Variants in CCDC171 observed in about 807,000 individuals in gnomAD.
The protein encoded by CCDC171 is coiled-coil domain-containing protein 171.
In CCDC171, 177 loss-of-function variants were observed where a neutral mutation model predicts 168.2. That is an observed-to-expected ratio of 1.05 (90% confidence interval 0.93 to 1.19). The LOEUF (loss-of-function observed/expected upper bound fraction) is 1.19, where lower values mean the gene tolerates loss of function less well. Among genes scored for constraint, CCDC171 ranks in the 50% most tolerant of loss-of-function variants. The pLI is 0.00. For missense variants in CCDC171, 1,991 were observed against 1,539.0 expected, an observed-to-expected ratio of 1.29 and a Z score of -4.91; for synonymous variants, 687 against 540.8, an observed-to-expected ratio of 1.27 and a Z score of -3.75.
rs2058773178 is a variant in CCDC171 at position 15,800,547 on chromosome 9, T to C, written c.3267+15853T>C. ...AGATGGACAGTTTGCAAATATTTTT[T>C]CCCATTCAGTGGGTTGTGTCTTCAC... On this transcript the variant is annotated intron_variant, in intron 21 of 25. Transcript: ENST00000380701. 2.6e-5 allele frequency among the ~76,000 whole-genome samples: 4 copies of C among 152,290 alleles called. No individual in the cohort carries two copies. The South Asian group carries it at 8.3e-4, about 32-fold the overall frequency.
chr9:16,054,137 C>G (rs72710757), intron 1 of CCDC171, among the ~76,000 whole-genome samples: 1 of 152,260 alleles, frequency 6.6e-6, no homozygotes, highest in South Asian at 2.1e-4. Flanking sequence ...AGATATGGTC[C>G]TTCTCTGGGG....
At chr9:15,700,975 G>T (rs553403211) in intron 11 of CCDC171, among the ~76,000 whole-genome samples, 1 of 151,630 alleles carries the variant, frequency 6.6e-6, no homozygotes, top group South Asian at 2.1e-4. Context: ...TTTGATTTGC[G>T]TTTCCCTAAT....
At chr9:15,745,782 G>C (rs1476162675) in intron 18 of CCDC171, 151 bp downstream of exon 18, 2 of 434,454 alleles carry the variant, frequency 4.6e-6, no homozygotes, top group Admixed American at 7.6e-5. Flanking sequence ...TGTTAACTCT[G>C]TACTTAATGA....
chr9:15,656,990 C>T (rs912204934), intron 7 of CCDC171, 137 bp from the exon 8 acceptor site: 1 of 450,280 alleles, frequency 2.2e-6, no homozygotes, highest in Non-Finnish European at 4.0e-6. Flanking sequence ...ATTTTACATT[C>T]CATTCTTGCA....
intron 18 of CCDC171, among the ~76,000 whole-genome samples, chr9:15,756,776 A>C (rs1328589115): frequency 6.6e-6 from 1 of 152,206 alleles, no homozygotes; most frequent in Non-Finnish European, 1.5e-5. Flanking sequence ...GAGATAATTT[A>C]ATCATGGGGG....
the CCDC171 span, among the ~76,000 whole-genome samples, chr9:16,088,374 A>C: frequency 6.6e-6 from 1 of 152,240 alleles, no homozygotes; most frequent in Non-Finnish European, 1.5e-5. Flanking sequence ...TGGCCAGGGC[A>C]ATCAGGCAAG....
intron 3 of CCDC171, among the ~76,000 whole-genome samples, chr9:16,003,335 A>G (rs923956664): frequency 6.6e-6 from 1 of 152,230 alleles, no homozygotes; most frequent in Non-Finnish European, 1.5e-5. Flanking sequence ...GACTAAGATC[A>G]GAGTTCCTGT....
chr9:16,053,117 G>A (rs1218164177), intron 1 of CCDC171, among the ~76,000 whole-genome samples: 1 of 152,242 alleles, frequency 6.6e-6, no homozygotes, highest in Non-Finnish European at 1.5e-5. Context: ...CCTAACCGAT[G>A]GGTGTTAAGT....
intron 3 of CCDC171, among the ~76,000 whole-genome samples, chr9:15,992,157 T>C (rs1295034120): frequency 3.3e-5 from 5 of 152,178 alleles, no homozygotes; most frequent in South Asian, 4.1e-4. Context: ...ATATCCCTGA[T>C]GAACATCGAT....
chr9:15,913,033 C>T (rs1823941786), intron 24 of CCDC171, among the ~76,000 whole-genome samples: 1 of 152,196 alleles, frequency 6.6e-6, no homozygotes, highest in African/African-American at 2.4e-5. Flanking sequence ...GTTTTGCTAT[C>T]AGGATGTTGC....
Position 15,721,849 on chromosome 9 carries a change from A to G in CCDC171, c.1399A>G (p.Asn467Asp), listed in dbSNP as rs1289522503. The change falls in exon 12 of 26, where the codon AAC (asparagine) becomes GAC (aspartate). Residue 467 changes from asparagine to aspartate, a missense_variant. By Grantham distance (23) the Asn-to-Asp change is conservative (BLOSUM62 1). Coordinates refer to ENST00000380701, the MANE Select transcript of CCDC171 (RefSeq NM_173550.4). The stretch of plus-strand genomic sequence containing the variant: ...GAGGCGTACCTTGACAGATTACCAG[A>G]ACAAGCTGGAAGATGCATCTAATGA... The part of the protein sequence containing the change: ...RLRRTLTDYQ[N>D]KLEDASNEEK... 1.9e-6 allele frequency: 3 copies of G among 1,553,666 alleles called. No individual in the cohort carries two copies. The East Asian group carries it at 7.4e-5, about 39-fold the overall frequency.
intron 6 of CCDC171, among the ~76,000 whole-genome samples, chr9:15,594,756 C>T (rs2042221580): frequency 6.6e-6 from 1 of 152,066 alleles, no homozygotes; most frequent in Admixed American, 6.6e-5. Context: ...TCTGAATTCT[C>T]ACTCCAGTGT....
intron 23 of CCDC171, among the ~76,000 whole-genome samples, chr9:15,874,048 G>C (rs759133277): frequency 4.6e-5 from 7 of 152,028 alleles, no homozygotes; most frequent in Non-Finnish European, 8.8e-5. Flanking sequence ...TTTGTGTTGA[G>C]TATATTTGTT....
At chr9:15,814,925 A>G (rs1001589486) in intron 21 of CCDC171, among the ~76,000 whole-genome samples, 3 of 152,344 alleles carry the variant, frequency 2.0e-5, no homozygotes, top group Non-Finnish European at 2.9e-5. Flanking sequence ...TGATATGACA[A>G]TGAATGACAG....
At chr9:15,725,008 G>C in intron 14 of CCDC171, 32 bp downstream of exon 14, 1 of 1,520,636 alleles carries the variant, frequency 6.6e-7, no homozygotes, top group Non-Finnish European at 9.1e-7. Flanking sequence ...CTGTCAGGAA[G>C]GGCCTTTCAC....
chr9:15,650,952 T>C (rs2132783384), intron 7 of CCDC171, among the ~76,000 whole-genome samples: 1 of 152,234 alleles, frequency 6.6e-6, no homozygotes, highest in East Asian at 1.9e-4. Context: ...ACTTTAGGAC[T>C]TATTCCTTCT....
At chr9:16,075,382 G>A in the CCDC171 span, among the ~76,000 whole-genome samples, 1 of 151,840 alleles carries the variant, frequency 6.6e-6, no homozygotes, top group South Asian at 2.1e-4. Flanking sequence ...CTACATAATC[G>A]CTTGTCTCTC....
At chr9:16,061,140 A>G (rs947660581) in exon 2 of CCDC171, 1 of 152,234 alleles carries the variant, frequency 6.6e-6, no homozygotes, top group African/African-American at 2.4e-5. Context: ...ATTACCAACC[A>G]GGTGGCTTTA....
At chr9:15,912,999 C>CT (rs1224989587) in intron 24 of CCDC171, among the ~76,000 whole-genome samples, 5 of 152,066 alleles carry the variant, frequency 3.3e-5, no homozygotes, top group Admixed American at 6.5e-5. Flanking sequence ...TTGAAATTTT[C>CT]TTTTTTTGTT....
Sources: allele counts gnomAD v4.1 joint callset (sites outside exome capture counted in the v4.1 genomes callset), GRCh38; gene constraint gnomAD v4.1.1; transcripts MANE v1.5; gene names NCBI Gene and HGNC (gene_info 2026-07-23, HGNC 2026-07-21).